The following NHSL1 variants were observed in gnomAD, a reference collection of about 807,000 sequenced individuals.
NHSL1 encodes the protein NHS like 1.
In NHSL1, 48 loss-of-function variants were observed where a neutral mutation model predicts 95.0. The ratio of observed to expected loss-of-function variants is 0.51; its 90% CI spans 0.40 to 0.64. The LOEUF is 0.64. Ranked by LOEUF, NHSL1 falls within the 30% of genes least tolerant of loss-of-function variation. NHSL1 has a pLI of 0.00. For synonymous variants in NHSL1, 783 were observed against 833.9 expected (o/e 0.94, Z 1.05); for missense variants, 1,971 against 2,077.7 (o/e 0.95, Z 1.00).
chr6:138,597,292 T>G (rs774234130), intron 1 of NHSL1, among the ~76,000 whole-genome samples: 6 of 152,234 alleles, frequency 3.9e-5, no homozygotes, highest in Admixed American at 2.6e-4. Flanking sequence ...TGGTGTCATA[T>G]AGCCTAAAGA....
Position 138,564,108 on chromosome 6 carries a change from T to A in NHSL1, c.202+7602A>T, listed in dbSNP as rs147353067. 5.1e-3 allele frequency among the ~76,000 whole-genome samples: 770 copies of A among 152,314 alleles called. 9 individuals carry two copies. Among genetic ancestry groups the A allele is most frequent in the African/African-American group, 0.018 (730 of 41,552 alleles). ...AAGAGCTTGATACATGCATAGTTTGTGTGAAGCAACAGAAAACACCAAAAG... is the reference window on the plus strand; with the variant it reads ...AAGAGCTTGATACATGCATAGTTTGAGTGAAGCAACAGAAAACACCAAAAG... On this transcript the variant is annotated intron_variant, in intron 1 of 6. Coordinates refer to the NHSL1 transcript ENST00000427025.
intron 1 of NHSL1, among the ~76,000 whole-genome samples, chr6:138,629,469 G>A (rs371203345): frequency 2.5e-3 from 374 of 150,982 alleles, no homozygotes; most frequent in Non-Finnish European, 2.3e-3. Context: ...TGCACCCTCC[G>A]CCTCCCAAGT....
intron 1 of NHSL1, among the ~76,000 whole-genome samples, chr6:138,588,060 G>A (rs761686114): frequency 2.0e-5 from 3 of 152,278 alleles, no homozygotes; most frequent in Non-Finnish European, 2.9e-5. Context: ...GTCTACTGCT[G>A]TGCGGCCCAG....
At chr6:138,684,508 G>A (rs1184203034) in intron 1 of NHSL1, among the ~76,000 whole-genome samples, 2 of 152,084 alleles carry the variant, frequency 1.3e-5, no homozygotes, top group South Asian at 2.1e-4. Context: ...AGCTGGGCGT[G>A]GTGGCGTGCG....
At chr6:138,560,906 A>T (rs1040438303) in intron 1 of NHSL1, among the ~76,000 whole-genome samples, 5 of 152,268 alleles carry the variant, frequency 3.3e-5, no homozygotes, top group Non-Finnish European at 5.9e-5. Context: ...AACTGTATCG[A>T]CAATAAAATA....
Position 138,437,323 on chromosome 6 carries a change from C to CATATATATAT in NHSL1, c.665-3644_665-3643insATATATATAT, listed in dbSNP as rs1562270009. ...ATATATATATATATATATATATACA[C>CATATATATAT]ACACACATATATATATATACACATA... On this transcript the variant is annotated intron_variant, in intron 5 of 7. Transcript: ENST00000343505. Among the ~76,000 whole-genome samples, 31 of 70,060 alleles carry CATATATATAT rather than the reference C, an allele frequency of 4.4e-4. 2 individuals are homozygous for CATATATATAT. The highest frequency in any genetic ancestry group is 6.8e-3 in the Middle Eastern group (1 of 146). 46.0% of individuals were successfully genotyped at this position (70,060 alleles called of 152,430 possible). A position where few individuals can be genotyped will look rare whatever the true frequency, so the allele number is the denominator to read the frequency against.
chr6:138,684,513 C>T lies in NHSL1; in HGVS notation c.96+7963G>A, dbSNP rs1402162260. On this transcript the variant is annotated intron_variant, in intron 1 of 3. Transcript: ENST00000491526. ...ATACAAAATTAGCTGGGCGTGGTGG[C>T]GTGCGCCTGTAATCCCAGCTACTCA... is the stretch of plus-strand genomic sequence containing the variant. Among the ~76,000 whole-genome samples, 8 of 151,934 alleles carry T rather than the reference C, an allele frequency of 5.3e-5. No homozygotes were observed. The South Asian group carries it at 1.2e-3, about 24-fold the overall frequency.
rs377599943 is a variant in NHSL1 at position 138,606,701 on chromosome 6, TC to T, written c.96+85774del. ...GGCTACTTCTTTTTCTTTCTTTCTT[TC>T]TTTTTTTTTTTTTTTTTTGAGACAG... is the stretch of plus-strand genomic sequence containing the variant. On this transcript the variant is annotated intron_variant, in intron 1 of 3. Transcript: ENST00000491526. Among the ~76,000 whole-genome samples the T allele has an allele frequency of 3.1e-3, 376 of 119,642 alleles. 1 individual carries two copies. The highest frequency in any genetic ancestry group is 4.7e-3 in the Non-Finnish European group (269 of 57,610). The allele number at this position is 119,642 out of a possible 152,430, so 78.5% of individuals were successfully genotyped here. A position where few individuals can be genotyped will look rare whatever the true frequency, so the allele number is the denominator to read the frequency against.
intron 2 of NHSL1, 144 bp from the exon 3 acceptor site, chr6:138,473,577 A>G: frequency 1.1e-6 from 1 of 927,954 alleles, no homozygotes; most frequent in Non-Finnish European, 1.4e-6. Context: ...TGATAAAAAC[A>G]GCTAAGAATT....
chr6:138,452,706 C>A (rs1243806212), intron 3 of NHSL1, among the ~76,000 whole-genome samples: 1 of 152,132 alleles, frequency 6.6e-6, no homozygotes, highest in African/African-American at 2.4e-5. Context: ...TTTCAAGATC[C>A]TTAATAGTTT....
intron 1 of NHSL1, among the ~76,000 whole-genome samples, chr6:138,602,689 T>A (rs1784387559): frequency 6.6e-6 from 1 of 152,218 alleles, no homozygotes; most frequent in South Asian, 2.1e-4. Flanking sequence ...GCAAATTTTG[T>A]TAGATTTACA....
At chr6:138,676,117 T>C (rs868452114) in intron 1 of NHSL1, among the ~76,000 whole-genome samples, 4 of 152,036 alleles carry the variant, frequency 2.6e-5, no homozygotes, top group South Asian at 2.1e-4. Flanking sequence ...AAGAGGAAAA[T>C]GACATCAAAA....
intron 1 of NHSL1, among the ~76,000 whole-genome samples, chr6:138,591,315 G>GT (rs1162305236): frequency 6.6e-6 from 1 of 152,220 alleles, no homozygotes; most frequent in Non-Finnish European, 1.5e-5. Flanking sequence ...TTTATCTGTA[G>GT]TTTTGCTTTC....
At chr6:138,471,196 T>C (rs968995596) in intron 3 of NHSL1, among the ~76,000 whole-genome samples, 1 of 152,160 alleles carries the variant, frequency 6.6e-6, no homozygotes, top group Admixed American at 6.5e-5. Context: ...CAAAGAGCTA[T>C]GTGAGAATTT....
At chr6:138,534,217 A>G (rs1423069843) in intron 1 of NHSL1, among the ~76,000 whole-genome samples, 1 of 152,226 alleles carries the variant, frequency 6.6e-6, no homozygotes, top group African/African-American at 2.4e-5. Flanking sequence ...TACCCAAACT[A>G]GATTAAATAT....
chr6:138,574,099 GT>G (rs1236368425), upstream of NHSL1, among the ~76,000 whole-genome samples: 1 of 151,816 alleles, frequency 6.6e-6, no homozygotes, highest in Non-Finnish European at 1.5e-5. Flanking sequence ...GGCTAATTTT[GT>G]TTTTGTATTT....
At chr6:138,560,131 AT>A (rs1783357603) in intron 1 of NHSL1, among the ~76,000 whole-genome samples, 1 of 152,212 alleles carries the variant, frequency 6.6e-6, no homozygotes, top group Admixed American at 6.5e-5. Context: ...TACTAATTGG[AT>A]TTTTGTTCAA....
intron 1 of NHSL1, among the ~76,000 whole-genome samples, chr6:138,617,032 G>A (rs1286082438): frequency 6.6e-6 from 1 of 152,152 alleles, no homozygotes; most frequent in African/African-American, 2.4e-5. Context: ...TCTTTAAAAG[G>A]TTACTGTCTA....
Position 138,600,576 on chromosome 6 carries a change from A to G in NHSL1, c.96+91900T>C, listed in dbSNP as rs984977088. 3.9e-5 allele frequency among the ~76,000 whole-genome samples: 6 copies of G among 152,244 alleles called. No homozygotes were observed. In the East Asian group the frequency reaches 5.8e-4, roughly 15 times the overall value. On this transcript the variant is annotated intron_variant, in intron 1 of 3. Transcript: ENST00000491526. ...AAGAGAACATTGCTCAAAAAAATCA[A>G]TTATAATCCTTGCTTCCCTGGGTTT...
Sources: allele counts gnomAD v4.1 joint callset (sites outside exome capture counted in the v4.1 genomes callset), GRCh38; gene constraint gnomAD v4.1.1; transcripts MANE v1.5; gene names NCBI Gene and HGNC (gene_info 2026-07-23, HGNC 2026-07-21).